Variants in C1orf87 observed in about 807,000 individuals in gnomAD.
The protein encoded by C1orf87 is uncharacterized protein C1orf87.
In C1orf87, 58 loss-of-function variants were observed where a neutral mutation model predicts 60.5. That is an observed-to-expected ratio of 0.96 (90% CI 0.78 to 1.19). The LOEUF (loss-of-function observed/expected upper bound fraction) is 1.19. C1orf87 is among the 50% of genes most tolerant of loss of function. The pLI is 0.00. For missense variants in C1orf87, 673 were observed against 638.6 expected, an observed-to-expected ratio of 1.05 and a Z score of -0.58; for synonymous variants, 236 against 227.4, an observed-to-expected ratio of 1.04 and a Z score of -0.34.
chr1:60,071,305 C>T (rs1462330608), intron 2 of C1orf87, among the ~76,000 whole-genome samples: 1 of 152,090 alleles, frequency 6.6e-6, no homozygotes, highest in African/African-American at 2.4e-5. Context: ...TCATTTAATC[C>T]TCACAATAAC....
chr1:60,066,836 C>T (rs1410211630), intron 2 of C1orf87, among the ~76,000 whole-genome samples: 1 of 152,034 alleles, frequency 6.6e-6, no homozygotes, highest in Non-Finnish European at 1.5e-5. Context: ...TCCCCCAACC[C>T]CCCACTGACA....
chr1:60,014,850 G>A lies in C1orf87; in HGVS notation c.1128-4394C>T, dbSNP rs560888746. Among the ~76,000 whole-genome samples, 33 of 152,220 alleles carry A rather than the reference G, an allele frequency of 2.2e-4. No homozygotes were observed. The South Asian group carries it at 6.8e-3, about 32-fold the overall frequency. ...AATACTCTTTCCCGTCTCTTACCTGGTTAGCTCCTACAAATCCCACCAAGC... is the reference window on the plus strand; with the variant it reads ...AATACTCTTTCCCGTCTCTTACCTGATTAGCTCCTACAAATCCCACCAAGC... On this transcript the variant is annotated intron_variant, in intron 8 of 11. Transcript: ENST00000371201.
intron 2 of C1orf87, among the ~76,000 whole-genome samples, chr1:60,072,289 T>C (rs1422249363): frequency 3.3e-5 from 5 of 152,150 alleles, no homozygotes; most frequent in Non-Finnish European, 7.3e-5. Flanking sequence ...GTCGCAATGC[T>C]CATATTTCCC....
intron 11 of C1orf87, among the ~76,000 whole-genome samples, chr1:59,993,719 T>G (rs1370156489): frequency 1.3e-5 from 2 of 151,918 alleles, no homozygotes; most frequent in African/African-American, 4.8e-5. Flanking sequence ...AGCCTGTCTT[T>G]TCTAACCAGA....
intron 3 of C1orf87, among the ~76,000 whole-genome samples, chr1:60,042,896 G>A (rs1645336914): frequency 6.6e-6 from 1 of 152,158 alleles, no homozygotes; most frequent in African/African-American, 2.4e-5. Flanking sequence ...GATTCTAAGG[G>A]CCACTCTCAG....
chr1:60,047,384 A>G (rs575720656), intron 3 of C1orf87, among the ~76,000 whole-genome samples: 15 of 152,132 alleles, frequency 9.9e-5, no homozygotes, highest in African/African-American at 2.7e-4. Context: ...TGCCCAAATT[A>G]TGTCGCTTTC....
chr1:59,997,745 T>G lies in C1orf87; in HGVS notation c.1344A>C (p.Lys448Asn), dbSNP rs769774838. The G allele has an allele frequency of 6.2e-7, 1 of 1,613,990 alleles. No individual in the cohort carries two copies. Among genetic ancestry groups the G allele is most frequent in the Non-Finnish European group, 8.5e-7 (1 of 1,179,896 alleles). The change falls in exon 11 of 12, where the codon AAA becomes AAC. Residue 448 changes from lysine to asparagine, a missense_variant. By Grantham distance (94) the Lys-to-Asn change is moderately conservative. Coordinates refer to ENST00000371201, the MANE Select transcript of C1orf87 (RefSeq NM_152377.3). ...AETSACKDPLKPLKIRPVSQP... is the reference protein window; with the variant it reads ...AETSACKDPLNPLKIRPVSQP... The stretch of plus-strand genomic sequence containing the variant: ...GGGAGACTGGCCTGATCTTTAAAGG[T>G]TTCAGAGGATCTTTGCAGGCTGAAG...
At chr1:60,037,721 T>C (rs1645287869) in intron 6 of C1orf87, among the ~76,000 whole-genome samples, 1 of 152,188 alleles carries the variant, frequency 6.6e-6, no homozygotes. Flanking sequence ...ACCATACCAA[T>C]ACCTTTGTAA....
At chr1:60,032,554 C>T (rs529163289) in intron 7 of C1orf87, among the ~76,000 whole-genome samples, 5 of 150,804 alleles carry the variant, frequency 3.3e-5, no homozygotes, top group East Asian at 2.0e-4. Flanking sequence ...TCTCCTGCCT[C>T]AGCCTCCTGA....
At position 59,990,903 on chromosome 1, in the gene C1orf87, T is replaced by C. The variant is rs183110579; in HGVS notation, c.1481-70A>G. The C allele has an allele frequency of 2.2e-5, 32 of 1,454,968 alleles. No homozygotes were observed. In the African/African-American group the frequency reaches 3.5e-4, roughly 16 times the overall value. 90.1% of individuals were successfully genotyped at this position (1,454,968 alleles called of 1,614,324 possible). ...AGGGAAAACAGAGAAAACTATATAT[T>C]AGCTTGAATGACTTCCAGGTAAAGA... On this transcript the variant is annotated intron_variant, in intron 11 of 11. Coordinates refer to ENST00000371201, the MANE Select transcript of C1orf87 (RefSeq NM_152377.3).
At chr1:60,017,465 C>T (rs77821813) in intron 8 of C1orf87, among the ~76,000 whole-genome samples, 1,936 of 152,308 alleles carry the variant, frequency 0.013, 28 homozygotes, top group African/African-American at 0.044. Flanking sequence ...TTGCTCCCCT[C>T]TTTTCATGAA....
intron 7 of C1orf87, among the ~76,000 whole-genome samples, chr1:60,031,622 G>A (rs1030860704): frequency 6.6e-6 from 1 of 152,154 alleles, no homozygotes; most frequent in Admixed American, 6.5e-5. Context: ...AAATCAGATA[G>A]TATGCTAAAT....
chr1:60,034,289 C>G (rs957452047), intron 6 of C1orf87, among the ~76,000 whole-genome samples: 4 of 152,208 alleles, frequency 2.6e-5, no homozygotes, highest in Non-Finnish European at 5.9e-5. Flanking sequence ...AGGTGAAAAA[C>G]AACAGGGTGA....
intron 2 of C1orf87, among the ~76,000 whole-genome samples, chr1:60,066,192 C>G (rs1412680686): frequency 1.3e-5 from 2 of 152,086 alleles, no homozygotes; most frequent in Non-Finnish European, 2.9e-5. Context: ...TTTCTTAAGA[C>G]AGCAATAAAG....
chr1:60,045,685 T>G (rs1312320659), intron 3 of C1orf87, among the ~76,000 whole-genome samples: 1 of 152,162 alleles, frequency 6.6e-6, no homozygotes, highest in Non-Finnish European at 1.5e-5. Context: ...GTTCTTAAAG[T>G]GTAGTCTTTG....
At chr1:60,027,314 G>A (rs1184150388) in intron 7 of C1orf87, among the ~76,000 whole-genome samples, 2 of 152,154 alleles carry the variant, frequency 1.3e-5, no homozygotes, top group African/African-American at 2.4e-5. Flanking sequence ...CTGGGGCCAA[G>A]TACAGAGCCT....
At chr1:60,047,769 C>T (rs932820206) in intron 3 of C1orf87, among the ~76,000 whole-genome samples, 1 of 149,926 alleles carries the variant, frequency 6.7e-6, no homozygotes, top group Non-Finnish European at 1.5e-5. Flanking sequence ...GATAGTGACT[C>T]ACTTGCTTTA....
intron 2 of C1orf87, among the ~76,000 whole-genome samples, chr1:60,065,558 TA>T: frequency 6.6e-6 from 1 of 152,250 alleles, no homozygotes; most frequent in East Asian, 1.9e-4. Flanking sequence ...TTTATCTGTC[TA>T]TTATGTGTTT....
chr1:59,998,914 T>C (rs1644982077), intron 10 of C1orf87, among the ~76,000 whole-genome samples: 1 of 152,164 alleles, frequency 6.6e-6, no homozygotes, highest in Admixed American at 6.6e-5. Flanking sequence ...GAGAGTATAA[T>C]ATGCTTCTCT....
Sources: allele counts gnomAD v4.1 joint callset (sites outside exome capture counted in the v4.1 genomes callset), GRCh38; gene constraint gnomAD v4.1.1; transcripts MANE v1.5; gene names NCBI Gene and HGNC (gene_info 2026-07-23, HGNC 2026-07-21).